The following NSMCE2 variants were observed in gnomAD, a reference collection of about 807,000 sequenced individuals.
NSMCE2 encodes the protein NSE2 SUMO ligase component of SMC5/6 complex, also known as E3 SUMO-protein ligase NSE2.
A neutral mutation model predicts 23.8 loss-of-function variants in NSMCE2; 24 were observed. The ratio of observed to expected loss-of-function variants is 1.01; its 90% CI spans 0.73 to 1.42. NSMCE2 has a LOEUF of 1.42. Among genes scored for constraint, NSMCE2 ranks in the 40% most tolerant of loss-of-function variants. The probability of loss-of-function intolerance (pLI) is 0.00; values close to 1 mark genes in which losing one functional copy is unlikely to be tolerated. For missense variants in NSMCE2, 284 were observed against 296.5 expected (o/e 0.96, Z 0.31); for synonymous variants, 92 against 94.1 (o/e 0.98, Z 0.13).
intron 5 of NSMCE2, among the ~76,000 whole-genome samples, chr8:125,278,061 G>A (rs1827545102): frequency 6.6e-6 from 1 of 152,118 alleles, no homozygotes; most frequent in African/African-American, 2.4e-5. Context: ...AACTGTCTGG[G>A]TCCAAAATGC....
intron 5 of NSMCE2, among the ~76,000 whole-genome samples, chr8:125,199,521 T>A (rs141299849): frequency 6.6e-6 from 1 of 152,236 alleles, no homozygotes; most frequent in Non-Finnish European, 1.5e-5. Flanking sequence ...GAGTTCTAAT[T>A]TGATTGCACT....
chr8:125,244,052 G>T (rs892436990), intron 5 of NSMCE2, among the ~76,000 whole-genome samples: 11 of 151,898 alleles, frequency 7.2e-5, no homozygotes, highest in Non-Finnish European at 1.0e-4. Context: ...AAGTAGCATA[G>T]AATTAATTGT....
At chr8:125,168,677 A>C (rs991845573) in intron 4 of NSMCE2, among the ~76,000 whole-genome samples, 2 of 152,168 alleles carry the variant, frequency 1.3e-5, no homozygotes, top group African/African-American at 4.8e-5. Context: ...CTCGTGCTCT[A>C]ATCTCTTCCC....
chr8:125,255,870 G>A (rs1049123792), intron 5 of NSMCE2, among the ~76,000 whole-genome samples: 5 of 152,312 alleles, frequency 3.3e-5, no homozygotes, highest in East Asian at 1.9e-4. Flanking sequence ...TCAGATGGCC[G>A]TTGCAGCAGT....
intron 5 of NSMCE2, among the ~76,000 whole-genome samples, chr8:125,241,520 C>T (rs1026764300): frequency 6.6e-6 from 1 of 152,104 alleles, no homozygotes; most frequent in South Asian, 2.1e-4. Context: ...AGGAATGCTA[C>T]GTTTAAAGTT....
chr8:125,118,586 A>G (rs1158536527), intron 3 of NSMCE2, among the ~76,000 whole-genome samples: 2 of 152,230 alleles, frequency 1.3e-5, no homozygotes, highest in Non-Finnish European at 2.9e-5. Flanking sequence ...TGAAGTAGCT[A>G]TTGGCTTTTT....
At chr8:125,121,974 A>C (rs1349572000) in intron 3 of NSMCE2, among the ~76,000 whole-genome samples, 1 of 151,826 alleles carries the variant, frequency 6.6e-6, no homozygotes, top group Non-Finnish European at 1.5e-5. Flanking sequence ...TGTAACCCTA[A>C]CCCCTTCCCA....
intron 7 of NSMCE2, among the ~76,000 whole-genome samples, chr8:125,362,007 C>T (rs1232644780): frequency 6.6e-6 from 1 of 152,220 alleles, no homozygotes; most frequent in Non-Finnish European, 1.5e-5. Context: ...GACCCCAAGA[C>T]CCGGTTCCCT....
chr8:125,196,256 G>T (rs1823614277), intron 5 of NSMCE2, among the ~76,000 whole-genome samples: 1 of 150,556 alleles, frequency 6.6e-6, no homozygotes, highest in African/African-American at 2.5e-5. Flanking sequence ...ACAACGTGCA[G>T]GTTTGTTACA....
At chr8:125,195,185 G>T (rs1403756469) in intron 5 of NSMCE2, among the ~76,000 whole-genome samples, 1 of 151,894 alleles carries the variant, frequency 6.6e-6, no homozygotes, top group African/African-American at 2.4e-5. Context: ...CCATCCCTAG[G>T]CGTCAATATC....
intron 5 of NSMCE2, among the ~76,000 whole-genome samples, chr8:125,200,780 T>C (rs1056086758): frequency 1.3e-5 from 2 of 152,242 alleles, no homozygotes; most frequent in African/African-American, 4.8e-5. Flanking sequence ...TCCAACTTGG[T>C]ACCATACTCC....
intron 5 of NSMCE2, among the ~76,000 whole-genome samples, chr8:125,190,808 A>C (rs1439455836): frequency 1.3e-5 from 2 of 152,190 alleles, no homozygotes; most frequent in Non-Finnish European, 2.9e-5. Flanking sequence ...AATGAATAAC[A>C]GCCGACATTG....
intron 4 of NSMCE2, among the ~76,000 whole-genome samples, chr8:125,172,406 C>A (rs1822266327): frequency 6.6e-6 from 1 of 152,202 alleles, no homozygotes; most frequent in Admixed American, 6.5e-5. Context: ...GGCTACTCAA[C>A]CTCTGTGTAC....
intron 5 of NSMCE2, among the ~76,000 whole-genome samples, chr8:125,245,444 T>C (rs1181318226): frequency 6.6e-6 from 1 of 152,082 alleles, no homozygotes; most frequent in Non-Finnish European, 1.5e-5. Context: ...ACGTCAAAAC[T>C]ATAGTTAAAA....
At chr8:125,162,726 A>G (rs549754701) in intron 4 of NSMCE2, among the ~76,000 whole-genome samples, 1 of 152,244 alleles carries the variant, frequency 6.6e-6, no homozygotes, top group African/African-American at 2.4e-5. Flanking sequence ...TCTTACCACA[A>G]AAACACCTAC....
intron 5 of NSMCE2, among the ~76,000 whole-genome samples, chr8:125,312,348 G>A (rs1230422833): frequency 4.0e-5 from 6 of 151,400 alleles, no homozygotes; most frequent in South Asian, 2.1e-4. Context: ...TATTGTGGCC[G>A]GGCATGGTGG....
intron 4 of NSMCE2, among the ~76,000 whole-genome samples, chr8:125,175,486 G>A (rs1822440835): frequency 1.3e-5 from 2 of 152,218 alleles, no homozygotes; most frequent in Admixed American, 1.3e-4. Context: ...TGAAGGCTGT[G>A]TCATTTCCTA....
intron 5 of NSMCE2, among the ~76,000 whole-genome samples, chr8:125,240,130 C>CTTTTTCT (rs1554624369): frequency 1.2e-4 from 18 of 144,238 alleles, no homozygotes; most frequent in African/African-American, 4.6e-4. Flanking sequence ...TTTTCTTTTT[C>CTTTTTCT]TTTTTTTTTT....
intron 3 of NSMCE2, among the ~76,000 whole-genome samples, chr8:125,119,062 A>G (rs916024695): frequency 1.3e-5 from 2 of 152,154 alleles, no homozygotes; most frequent in African/African-American, 4.8e-5. Flanking sequence ...AAAGGGTGAA[A>G]TGTGCTTTCC....
Sources: gnomAD v4.1 joint callset for allele counts (sites outside exome capture counted in the v4.1 genomes callset) on GRCh38, gnomAD v4.1.1 for gene constraint, MANE v1.5 for transcripts, NCBI Gene and HGNC (gene_info 2026-07-23, HGNC 2026-07-21) for gene names.